Variants in B3GAT1 observed in about 807,000 individuals in gnomAD.
B3GAT1 encodes the protein galactosylgalactosylxylosylprotein 3-beta-glucuronosyltransferase 1.
B3GAT1 carries 11 observed loss-of-function variants against 28.4 expected under a neutral mutation model. The ratio of observed to expected loss-of-function variants is 0.39; its 90% CI spans 0.24 to 0.64. The LOEUF (loss-of-function observed/expected upper bound fraction) is 0.64, where lower values mean the gene tolerates loss of function less well. Among genes scored for constraint, B3GAT1 ranks in the 30% least tolerant of loss-of-function variants. The probability of loss-of-function intolerance (pLI) is 0.50; values close to 1 mark genes in which losing one functional copy is unlikely to be tolerated. For synonymous variants in B3GAT1, 255 were observed against 223.1 expected (o/e 1.14, Z -1.27); for missense variants, 375 against 491.0 (o/e 0.76, Z 2.23).
intron 4 of B3GAT1, 28 bp downstream of exon 4, chr11:134,382,682 C>G: frequency 6.3e-7 from 1 of 1,598,314 alleles, no homozygotes; most frequent in Non-Finnish European, 8.6e-7. Flanking sequence ...CATTGCATCA[C>G]AGCTGTCAGT....
Position 134,381,971 on chromosome 11 carries a change from C to T in B3GAT1, c.972G>A (p.Lys324=), listed in dbSNP as rs1185319427. 4 of 1,614,078 alleles carry T rather than the reference C, an allele frequency of 2.5e-6. No homozygotes were observed. The African/African-American group carries it at 4.0e-5, about 16-fold the overall frequency. ...CCACCGAGGGGTCAGTGAAGCCCTT[C>T]TTGCCCTCATTCACCAGCACTGGCT... ...TEKPVLVNEG[K]KGFTDPSVEI The change falls in exon 5 of 6, where the codon AAG becomes AAA. Residue 324 remains lysine (K), a synonymous_variant. Transcript: ENST00000312527.
chr11:134,403,382 T>C (rs1944658935), intron 1 of B3GAT1, among the ~76,000 whole-genome samples: 1 of 152,150 alleles, frequency 6.6e-6, no homozygotes, highest in African/African-American at 2.4e-5. Flanking sequence ...ACTTGCTGAG[T>C]TGCTTGGCCC....
intron 1 of B3GAT1, among the ~76,000 whole-genome samples, chr11:134,409,414 G>A (rs1944807591): frequency 6.6e-6 from 1 of 152,214 alleles, no homozygotes; most frequent in Non-Finnish European, 1.5e-5. Flanking sequence ...AGGACCAGGA[G>A]GGCTGGGGCA....
intron 1 of B3GAT1, among the ~76,000 whole-genome samples, chr11:134,400,331 AGCCCAACCCAAAGCAGGAGC>A (rs1944587931): frequency 6.6e-6 from 1 of 152,198 alleles, no homozygotes; most frequent in East Asian, 1.9e-4. Flanking sequence ...CAGGGCCCAG[AGCCCAACCCAAAGCAGGAGC>A]TATGCCAATA....
intron 5 of B3GAT1, among the ~76,000 whole-genome samples, chr11:134,381,081 A>G (rs1023655445): frequency 2.0e-5 from 3 of 152,322 alleles, no homozygotes; most frequent in Non-Finnish European, 2.9e-5. Flanking sequence ...TCTGTTTGGC[A>G]TAACCTAGAG....
Position 134,383,746 on chromosome 11 carries a change from G to C in B3GAT1, c.555C>G (p.Ser185=). Residue 185 remains serine (S), a synonymous_variant, in exon 3 of 6, where the codon TCC becomes TCG. Transcript: ENST00000312527. ...CGAAGTAGACCACGCCAGGCTGGCT[G>C]GAGTTGCGCGGGAAGGTCTCGCGCA... ...RWLRETFPRN[S]SQPGVVYFAD... 1 of 1,594,900 alleles carries C rather than the reference G, an allele frequency of 6.3e-7. No homozygotes were observed. The highest frequency in any genetic ancestry group is 8.6e-7 in the Non-Finnish European group (1 of 1,168,752).
At position 134,403,265 on chromosome 11, in the gene B3GAT1, T is replaced by A. The variant is rs374432093; in HGVS notation, c.-282+8542A>T. On this transcript the variant is annotated intron_variant, in intron 1 of 5. Coordinates refer to ENST00000312527, the MANE Select transcript of B3GAT1 (RefSeq NM_054025.3). ...AGACTCTAGGAGTACCCGGCCGATTTCTTTCTCGGGGTCCCGGGAAGGCAG... is the reference window on the plus strand; with the variant it reads ...AGACTCTAGGAGTACCCGGCCGATTACTTTCTCGGGGTCCCGGGAAGGCAG... Among the ~76,000 whole-genome samples the A allele has an allele frequency of 9.2e-5, 14 of 152,182 alleles. No individual in the cohort carries two copies. In the East Asian group the frequency reaches 2.5e-3, roughly 27 times the overall value.
chr11:134,402,230 G>A (rs755214854), intron 1 of B3GAT1, among the ~76,000 whole-genome samples: 3 of 152,162 alleles, frequency 2.0e-5, no homozygotes, highest in Non-Finnish European at 4.4e-5. Context: ...GAGTCAAGTC[G>A]CGGGTATGCC....
In B3GAT1 at chr11:134,404,027, A is replaced by ATATTTATTTATT. The variant is rs1233350965; in HGVS notation, c.-282+7779_-282+7780insAATAAATAAATA. On this transcript the variant is annotated intron_variant, in intron 1 of 5. Transcript: ENST00000312527. ...TATATATATATATATATATATATATATATTTATTATACGTTAAGTTCTAGG... is the reference window on the plus strand; with the variant it reads ...TATATATATATATATATATATATATATATTTATTTATTTATTTATTATACGTTAAGTTCTAGG... 4.5e-4 allele frequency among the ~76,000 whole-genome samples: 48 copies of ATATTTATTTATT among 106,746 alleles called. 1 individual carries two copies. The highest frequency in any genetic ancestry group is 1.4e-3 in the African/African-American group (37 of 25,916). The allele number at this position is 106,746 out of a possible 152,430, so 70.0% of individuals were successfully genotyped here.
intron 1 of B3GAT1, among the ~76,000 whole-genome samples, chr11:134,402,838 G>A (rs1565458719): frequency 6.6e-6 from 1 of 151,926 alleles, no homozygotes; most frequent in South Asian, 2.1e-4. Context: ...ACTTGAGCCC[G>A]GGAGGTGGAG....
In B3GAT1 at chr11:134,383,914, C is replaced by G. The variant is rs1381830012; in HGVS notation, c.387G>C (p.Leu129=). Residue 129 remains leucine, a synonymous_variant, in exon 3 of 6, where the codon CTG becomes CTC. Coordinates refer to ENST00000312527, the MANE Select transcript of B3GAT1 (RefSeq NM_054025.3). ...VVEDAPRRTP[L]TARLLRDTGL... is the part of the protein sequence containing the mutation. The stretch of plus-strand genomic sequence containing the variant: ...CGGTGTCGCGCAGCAGGCGCGCGGT[C>G]AGCGGCGTCCGGCGCGGCGCATCCT... 6.3e-7 allele frequency: 1 copy of G among 1,595,908 alleles called. No individual in the cohort carries two copies. Among genetic ancestry groups the G allele is most frequent in the African/African-American group, 1.3e-5 (1 of 74,848 alleles).
intron 1 of B3GAT1, among the ~76,000 whole-genome samples, chr11:134,402,256 T>G (rs1296524708): frequency 6.6e-6 from 1 of 152,188 alleles, no homozygotes; most frequent in Non-Finnish European, 1.5e-5. Flanking sequence ...GTGCGGTTGC[T>G]GCTTCCCTCC....
intron 5 of B3GAT1, 133 bp downstream of exon 5, chr11:134,381,791 C>T (rs1317214236): frequency 3.6e-5 from 25 of 690,928 alleles, no homozygotes; most frequent in South Asian, 2.5e-4. Context: ...GTGGTGACGA[C>T]GCCCTCCACT....
intron 5 of B3GAT1, among the ~76,000 whole-genome samples, chr11:134,381,415 TCAAA>T (rs1441909565): frequency 6.6e-6 from 1 of 152,168 alleles, no homozygotes; most frequent in Non-Finnish European, 1.5e-5. Flanking sequence ...TCAAGTCAGG[TCAAA>T]CAGTGAAGAG....
At position 134,387,927 on chromosome 11, in the gene B3GAT1, T is replaced by C; in HGVS notation, c.-268A>G. On this transcript the variant is annotated 5_prime_UTR_variant, in exon 2 of 6. Coordinates refer to ENST00000312527, the MANE Select transcript of B3GAT1 (RefSeq NM_054025.3). ...GTCCAGGGGCAGGGGTCAGGAACCC[T>C]GGGGGGTGGACACCTGCAAGAGAGA... 7.1e-7 allele frequency: 1 copy of C among 1,413,696 alleles called. No individual in the cohort carries two copies. Among genetic ancestry groups the C allele is most frequent in the Non-Finnish European group, 9.5e-7 (1 of 1,052,324 alleles). The allele number at this position is 1,413,696 out of a possible 1,614,324, so 87.6% of individuals were successfully genotyped here.
chr11:134,383,717 T>G lies in B3GAT1; in HGVS notation c.584A>C (p.Asp195Ala). 3 of 1,591,072 alleles carry G rather than the reference T, an allele frequency of 1.9e-6. No homozygotes were observed. Among genetic ancestry groups the G allele is most frequent in the Non-Finnish European group, 2.6e-6 (3 of 1,164,960 alleles). Residue 195 changes from aspartate (D) to alanine (A), a missense_variant, in exon 3 of 6, where the codon GAC (aspartate) becomes GCC (alanine). Coordinates refer to ENST00000312527, the MANE Select transcript of B3GAT1 (RefSeq NM_054025.3). ...SSQPGVVYFA[D>A]DDNTYSLELF... ...CTCCAGGCTGTAGGTGTTGTCGTCG[T>G]CGGCGAAGTAGACCACGCCAGGCTG...
intron 1 of B3GAT1, among the ~76,000 whole-genome samples, chr11:134,399,479 G>T (rs1240583502): frequency 6.6e-6 from 1 of 152,208 alleles, no homozygotes; most frequent in East Asian, 1.9e-4. Context: ...GGCCCGTAGG[G>T]CCCCAGAGTG....
In B3GAT1 at chr11:134,404,010, TATATATATA is replaced by T. The variant is rs1565459328; in HGVS notation, c.-282+7788_-282+7796del. Among the ~76,000 whole-genome samples, 80 of 99,188 alleles carry T rather than the reference TATATATATA, an allele frequency of 8.1e-4. 2 individuals are homozygous for T. The highest frequency in any genetic ancestry group is 2.8e-3 in the African/African-American group (75 of 26,978). The allele number at this position is 99,188 out of a possible 152,430, so 65.1% of individuals were successfully genotyped here. ...ATATATATATATATATATATATATA[TATATATATA>T]TATATATATATTTATTATACGTTAA... On this transcript the variant is annotated intron_variant, in intron 1 of 5. Transcript: ENST00000312527.
chr11:134,399,079 A>G (rs1358188336), intron 1 of B3GAT1, among the ~76,000 whole-genome samples: 3 of 152,096 alleles, frequency 2.0e-5, no homozygotes, highest in African/African-American at 7.2e-5. Context: ...TGCAGCCTTC[A>G]TGAGCTGGTG....
Sources: gnomAD v4.1 joint callset for allele counts (sites outside exome capture counted in the v4.1 genomes callset) on GRCh38, gnomAD v4.1.1 for gene constraint, MANE v1.5 for transcripts, NCBI Gene and HGNC (gene_info 2026-07-23, HGNC 2026-07-21) for gene names.